The following ELAPOR2 variants were observed in gnomAD, a reference collection of about 807,000 sequenced individuals.
The protein encoded by ELAPOR2 is endosome/lysosome-associated apoptosis and autophagy regulator family member 2.
In ELAPOR2, 89 loss-of-function variants were observed where a neutral mutation model predicts 120.7. The ratio of observed to expected loss-of-function variants is 0.74; its 90% CI spans 0.62 to 0.88. ELAPOR2 has a LOEUF of 0.88. Ranked by LOEUF, ELAPOR2 falls within the 40% of genes least tolerant of loss-of-function variation. The pLI is 0.00. For missense variants in ELAPOR2, 1,134 were observed against 1,251.6 expected, an observed-to-expected ratio of 0.91 and a Z score of 1.42; for synonymous variants, 444 against 444.9, an observed-to-expected ratio of 1.00 and a Z score of 0.03.
chr7:86,966,770 G>A (rs1791920488), intron 1 of ELAPOR2, among the ~76,000 whole-genome samples: 1 of 152,126 alleles, frequency 6.6e-6, no homozygotes, highest in Non-Finnish European at 1.5e-5. Flanking sequence ...GTATCGCCAG[G>A]CCACACTCCC....
At chr7:87,046,236 C>T (rs559303516) in intron 1 of ELAPOR2, among the ~76,000 whole-genome samples, 10 of 152,162 alleles carry the variant, frequency 6.6e-5, no homozygotes, top group African/African-American at 2.4e-4. Flanking sequence ...TAGGAATCAA[C>T]TTAACCAAAG....
chr7:86,883,429 A>C (rs1330958291), intron 21 of ELAPOR2, among the ~76,000 whole-genome samples: 2 of 152,220 alleles, frequency 1.3e-5, no homozygotes, highest in African/African-American at 4.8e-5. Context: ...AAATAGACAC[A>C]CAATAAGATA....
chr7:86,918,525 C>T lies in ELAPOR2; in HGVS notation c.1510G>A (p.Gly504Arg). 1 of 1,610,686 alleles carries T rather than the reference C, an allele frequency of 6.2e-7. No homozygotes were observed. The highest frequency in any genetic ancestry group is 1.3e-5 in the African/African-American group (1 of 74,876). The change falls in exon 12 of 22, where the codon GGA (glycine) becomes AGA (arginine). Residue 504 changes from glycine to arginine, a missense_variant. Gly to Arg is a moderately radical substitution (Grantham distance 125). Around this residue, in one of 3 missense-constraint regions of ELAPOR2, gnomAD observed 831 missense variants for 867.6 expected, o/e 0.96. Transcript: ENST00000450689. ...PGFKPPTSMTGATGSELGRIT... is the reference protein window; with the variant it reads ...PGFKPPTSMTRATGSELGRIT... Reference sequence around the variant, plus strand: ...CTTCCTAGTTCAGAACCCGTGGCTCCAGTCATAGATGTTGGTGGTCTATTT... The same window carrying T: ...CTTCCTAGTTCAGAACCCGTGGCTCTAGTCATAGATGTTGGTGGTCTATTT...
At chr7:87,040,063 G>A (rs892838476) in intron 1 of ELAPOR2, among the ~76,000 whole-genome samples, 4 of 152,148 alleles carry the variant, frequency 2.6e-5, no homozygotes, top group South Asian at 2.1e-4. Flanking sequence ...CTTTTCCGAC[G>A]GGCTTAAAAC....
intron 1 of ELAPOR2, among the ~76,000 whole-genome samples, chr7:87,006,192 A>G (rs1180065819): frequency 6.6e-6 from 1 of 152,172 alleles, no homozygotes; most frequent in African/African-American, 2.4e-5. Flanking sequence ...CAGGACTTCA[A>G]CAGAAACTTC....
At chr7:86,979,190 T>C (rs907319238) in intron 1 of ELAPOR2, among the ~76,000 whole-genome samples, 1 of 152,114 alleles carries the variant, frequency 6.6e-6, no homozygotes, top group African/African-American at 2.4e-5. Context: ...ATACAAAAGA[T>C]TACCTCTGCC....
rs1799199660 is a variant in ELAPOR2 at position 86,877,133 on chromosome 7, T to C, written c.*3338A>G. 6.6e-6 allele frequency: 1 copy of C among 152,194 alleles called. No individual in the cohort carries two copies. Among genetic ancestry groups the C allele is most frequent in the African/African-American group, 2.4e-5 (1 of 41,458 alleles). The allele number at this position is 152,194 out of a possible 1,614,324, so 9.4% of individuals were successfully genotyped here. A position where few individuals can be genotyped will look rare whatever the true frequency, so the allele number is the denominator to read the frequency against. On this transcript the variant is annotated 3_prime_UTR_variant, in exon 22 of 22. Transcript: ENST00000450689. ...TAATAGCGAATAATATCAATTATAA[T>C]AGTAAATATAATTCTCTTTTCAATT...
chr7:87,043,835 C>G (rs1442030733), intron 1 of ELAPOR2, among the ~76,000 whole-genome samples: 1 of 151,260 alleles, frequency 6.6e-6, no homozygotes, highest in African/African-American at 2.4e-5. Flanking sequence ...TGTTTGCAGA[C>G]GACATGACTG....
At chr7:86,944,504 A>C (rs528776791) in intron 4 of ELAPOR2, among the ~76,000 whole-genome samples, 1 of 152,226 alleles carries the variant, frequency 6.6e-6, no homozygotes, top group African/African-American at 2.4e-5. Flanking sequence ...GAGAAAAAAA[A>C]CTTTTAAGTG....
In ELAPOR2 at chr7:87,044,738, A is replaced by G. The variant is rs2129016414; in HGVS notation, c.189+14587T>C. 2.0e-5 allele frequency among the ~76,000 whole-genome samples: 3 copies of G among 152,034 alleles called. No individual in the cohort carries two copies. In the East Asian group the frequency reaches 5.8e-4, roughly 29 times the overall value. The stretch of plus-strand genomic sequence containing the variant: ...TAAAACACCAAAAGCAATGGCAACA[A>G]AAGCCAAAATTGACAAACGGGATCT... On this transcript the variant is annotated intron_variant, in intron 1 of 21. Coordinates refer to ENST00000450689, the MANE Select transcript of ELAPOR2 (RefSeq NM_001142749.3).
At chr7:86,947,674 T>G in intron 3 of ELAPOR2, 53 bp downstream of exon 3, 1 of 1,424,868 alleles carries the variant, frequency 7.0e-7, no homozygotes, top group Non-Finnish European at 9.6e-7. Context: ...AAAGAGCAAC[T>G]ACTTTCTTCT....
chr7:86,981,774 A>G (rs1204627524), intron 1 of ELAPOR2, among the ~76,000 whole-genome samples: 1 of 152,198 alleles, frequency 6.6e-6, no homozygotes, highest in African/African-American at 2.4e-5. Flanking sequence ...TGCATTTCCA[A>G]CTAAGGTACC....
intron 1 of ELAPOR2, among the ~76,000 whole-genome samples, chr7:86,993,569 C>G (rs964038823): frequency 6.6e-6 from 1 of 152,224 alleles, no homozygotes; most frequent in Non-Finnish European, 1.5e-5. Flanking sequence ...AAATTACCTA[C>G]TGATGCTGAT....
intron 8 of ELAPOR2, among the ~76,000 whole-genome samples, chr7:86,930,513 T>C (rs1354309357): frequency 6.6e-6 from 1 of 151,936 alleles, no homozygotes; most frequent in Non-Finnish European, 1.5e-5. Context: ...AGAAGTACTG[T>C]GTTACAGACA....
At chr7:86,977,379 C>T (rs1174387134) in intron 1 of ELAPOR2, among the ~76,000 whole-genome samples, 2 of 152,178 alleles carry the variant, frequency 1.3e-5, no homozygotes, top group Admixed American at 6.5e-5. Flanking sequence ...ACTTCATAAA[C>T]AGAAATCAGA....
At chr7:87,009,041 C>A (rs953628554) in intron 1 of ELAPOR2, among the ~76,000 whole-genome samples, 2 of 152,092 alleles carry the variant, frequency 1.3e-5, no homozygotes, top group Non-Finnish European at 2.9e-5. Context: ...AATTCACTGA[C>A]TGATGAATTT....
chr7:87,023,871 G>A (rs1794149617), intron 1 of ELAPOR2, among the ~76,000 whole-genome samples: 1 of 152,150 alleles, frequency 6.6e-6, no homozygotes, highest in Non-Finnish European at 1.5e-5. Flanking sequence ...CTGTTTGTCT[G>A]TTGTTGGTGT....
At chr7:86,903,815 G>A (rs1267217737) in intron 18 of ELAPOR2, among the ~76,000 whole-genome samples, 1 of 152,170 alleles carries the variant, frequency 6.6e-6, no homozygotes, top group Non-Finnish European at 1.5e-5. Context: ...ATAGTCAGAA[G>A]TTGACAGAGA....
chr7:86,922,075 CAA>C (rs770622653), intron 10 of ELAPOR2, among the ~76,000 whole-genome samples: 3 of 151,964 alleles, frequency 2.0e-5, no homozygotes, highest in Non-Finnish European at 4.4e-5. Flanking sequence ...CAGGGCATAT[CAA>C]AGTCAGTAGA....
Sources: allele counts gnomAD v4.1 joint callset (sites outside exome capture counted in the v4.1 genomes callset), GRCh38; gene constraint gnomAD v4.1.1; regional missense constraint gnomAD v4.1.1; transcripts MANE v1.5; gene names NCBI Gene and HGNC (gene_info 2026-07-23, HGNC 2026-07-21).